NBPF26: variants seen among roughly 807,000 people sequenced by gnomAD.
NBPF26 encodes the protein NBPF family member NBPF26.
A neutral mutation model predicts 119.6 loss-of-function variants in NBPF26; 79 were observed. The ratio of observed to expected loss-of-function variants is 0.66; its 90% CI spans 0.55 to 0.80. The LOEUF (loss-of-function observed/expected upper bound fraction) is 0.80, where lower values mean the gene tolerates loss of function less well. NBPF26 is among the 30% of genes least tolerant of loss of function. NBPF26 has a pLI of 0.00. For missense variants in NBPF26, 800 were observed against 1,198.2 expected, an observed-to-expected ratio of 0.67 and a Z score of 4.91; for synonymous variants, 299 against 457.7, an observed-to-expected ratio of 0.65 and a Z score of 4.43.
At chr1:120,727,028 T>C (rs1391449374) in intron 1 of NBPF26, among the ~76,000 whole-genome samples, 4 of 111,898 alleles carry the variant, frequency 3.6e-5, no homozygotes, top group African/African-American at 5.3e-5. Flanking sequence ...CTTAAAAATA[T>C]CACACCCACA....
At chr1:120,810,278 T>C in intron 8 of NBPF26, 69 bp from the exon 9 acceptor site, 3 of 1,462,374 alleles carry the variant, frequency 2.1e-6, no homozygotes, top group Non-Finnish European at 2.8e-6. Flanking sequence ...CAAAACCAGC[T>C]AGGACTCCAT....
intron 2 of NBPF26, among the ~76,000 whole-genome samples, chr1:120,765,789 A>G (rs1651184731): frequency 7.8e-6 from 1 of 128,810 alleles, no homozygotes; most frequent in Non-Finnish European, 1.6e-5. Context: ...ACGATGGAAT[A>G]CTATGCAGCC....
chr1:120,805,910 A>G, intron 5 of NBPF26, 145 bp downstream of exon 5: 3 of 626,896 alleles, frequency 4.8e-6, no homozygotes, highest in Non-Finnish European at 7.6e-6. Context: ...ACATTTTGTT[A>G]AAGTTGGAAG....
At position 120,804,480 on chromosome 1, in the gene NBPF26, G is replaced by C. The variant is rs1651627680; in HGVS notation, c.752-1076G>C. The stretch of plus-strand genomic sequence containing the variant: ...TTCCATAAGAACTGCTCGTGGCCCT[G>C]TTCTTTTCAGTATATGGGAAAACAA... On this transcript the variant is annotated intron_variant, in intron 4 of 29. Coordinates refer to ENST00000620612, the Ensembl canonical transcript of NBPF26. 2.5e-5 allele frequency among the ~76,000 whole-genome samples: 2 copies of C among 80,716 alleles called. 1 individual carries two copies. Among genetic ancestry groups the C allele is most frequent in the Admixed American group, 2.4e-4 (2 of 8,216 alleles). The allele number at this position is 80,716 out of a possible 152,430, so 53.0% of individuals were successfully genotyped here.
chr1:120,832,643 G>A (rs1349574077), intron 22 of NBPF26, among the ~76,000 whole-genome samples: 3 of 121,316 alleles, frequency 2.5e-5, no homozygotes, highest in South Asian at 2.4e-4. Flanking sequence ...TGGGACAAAT[G>A]ATATTGGGAT....
In NBPF26 at chr1:120,752,573, TTC is replaced by T. The variant is rs1557981307; in HGVS notation, c.74-11053_74-11052del. Among the ~76,000 whole-genome samples the T allele has an allele frequency of 1.8e-3, 66 of 36,208 alleles. 1 individual carries two copies. The highest frequency in any genetic ancestry group is 3.7e-3 in the African/African-American group (14 of 3,774). 23.8% of individuals were successfully genotyped at this position (36,208 alleles called of 152,430 possible). A position where few individuals can be genotyped will look rare whatever the true frequency, so the allele number is the denominator to read the frequency against. Reference sequence around the variant, plus strand: ...ATATATATTTTTTTTTTTTTTTTTTTTCTTTTTTTTTTTTTCAGGCAGAGTCT... The same window carrying T: ...ATATATATTTTTTTTTTTTTTTTTTTTTTTTTTTTTTTTCAGGCAGAGTCT... On this transcript the variant is annotated intron_variant, in intron 1 of 29. Coordinates refer to ENST00000620612, the Ensembl canonical transcript of NBPF26.
chr1:120,807,859 C>A, intron 6 of NBPF26, 150 bp downstream of exon 6: 2 of 538,654 alleles, frequency 3.7e-6, no homozygotes, highest in Non-Finnish European at 6.4e-6. Context: ...ATTTATCAAA[C>A]AGAGAAGGAG....
At position 120,735,253 on chromosome 1, in the gene NBPF26, C is replaced by T. The variant is rs1374377061; in HGVS notation, c.73+11003C>T. Among the ~76,000 whole-genome samples, 8 of 49,086 alleles carry T rather than the reference C, an allele frequency of 1.6e-4. 2 individuals are homozygous for T. The highest frequency in any genetic ancestry group is 5.8e-4 in the Admixed American group (3 of 5,184). 32.2% of individuals were successfully genotyped at this position (49,086 alleles called of 152,430 possible). ...TAATTTTTTGTAGTTTTAGTAGAGA[C>T]GGGGTTTCTCTATGTTGGGCAGGCT... On this transcript the variant is annotated intron_variant, in intron 1 of 29. Transcript: ENST00000620612.
chr1:120,778,580 G>C (rs1456930876), intron 2 of NBPF26, among the ~76,000 whole-genome samples: 47 of 18,206 alleles, frequency 2.6e-3, no homozygotes, highest in Admixed American at 7.6e-3. Context: ...TGTTGTTGTT[G>C]TTTTTTTTTG....
At position 120,813,277 on chromosome 1, in the gene NBPF26, T is replaced by C. The variant is rs1651920210; in HGVS notation, c.1775-614T>C. On this transcript the variant is annotated intron_variant, in intron 10 of 29. Coordinates refer to ENST00000620612, the Ensembl canonical transcript of NBPF26. ...ATTTATTGGCACAGAGTAAACACTA[T>C]CTATTAGTTCTTCATTCTGCTGTTT... 2.5e-5 allele frequency among the ~76,000 whole-genome samples: 3 copies of C among 120,436 alleles called. No individual in the cohort carries two copies. In the South Asian group the frequency reaches 7.1e-4, roughly 28 times the overall value. The allele number at this position is 120,436 out of a possible 152,430, so 79.0% of individuals were successfully genotyped here. A position where few individuals can be genotyped will look rare whatever the true frequency, so the allele number is the denominator to read the frequency against.
intron 4 of NBPF26, among the ~76,000 whole-genome samples, chr1:120,802,462 G>T (rs1651593438): frequency 4.0e-5 from 5 of 126,316 alleles, no homozygotes. Flanking sequence ...TGGCTTGCTG[G>T]ACTCCATTTG....
chr1:120,805,529 T>C lies in NBPF26; in HGVS notation c.752-27T>C, dbSNP rs1651659910. On this transcript the variant is annotated intron_variant, in intron 4 of 29. Transcript: ENST00000620612. ...TTTGATTTCACCAGTTTTTAACCCATCATATGTTTGGGTTTCTTCTCCCCA... is the reference window on the plus strand; with the variant it reads ...TTTGATTTCACCAGTTTTTAACCCACCATATGTTTGGGTTTCTTCTCCCCA... 11 of 1,205,772 alleles carry C rather than the reference T, an allele frequency of 9.1e-6. 1 individual carries two copies. The highest frequency in any genetic ancestry group is 1.3e-5 in the South Asian group (1 of 79,602). The allele number at this position is 1,205,772 out of a possible 1,614,324, so 74.7% of individuals were successfully genotyped here. A position where few individuals can be genotyped will look rare whatever the true frequency, so the allele number is the denominator to read the frequency against.
chr1:120,818,562 T>C (rs1274952590), intron 15 of NBPF26, among the ~76,000 whole-genome samples: 2 of 126,684 alleles, frequency 1.6e-5, no homozygotes, highest in East Asian at 3.9e-4. Flanking sequence ...CTCGTTATTT[T>C]AATTGTGATG....
chr1:120,772,476 C>G (rs1181106310), intron 2 of NBPF26, among the ~76,000 whole-genome samples: 4 of 50,554 alleles, frequency 7.9e-5, no homozygotes, highest in African/African-American at 2.0e-4. Flanking sequence ...TTTTCTAGAT[C>G]CTATTTATTC....
chr1:120,790,352 A>G lies in NBPF26; in HGVS notation c.416-2809A>G, dbSNP rs1219806005. On this transcript the variant is annotated intron_variant, in intron 3 of 29. Coordinates refer to ENST00000620612, the Ensembl canonical transcript of NBPF26. ...TTTTATACATATGCTATTTTTGTCT[A>G]TCACTTTAGGAATCATCACAGATCA... Among the ~76,000 whole-genome samples the G allele has an allele frequency of 1.8e-5, 2 of 113,320 alleles. 1 individual carries two copies. The highest frequency in any genetic ancestry group is 1.1e-4 in the African/African-American group (2 of 18,650). The allele number at this position is 113,320 out of a possible 152,430, so 74.3% of individuals were successfully genotyped here. A position where few individuals can be genotyped will look rare whatever the true frequency, so the allele number is the denominator to read the frequency against.
chr1:120,806,371 G>T lies in NBPF26; in HGVS notation c.961+606G>T, dbSNP rs1304408881. On this transcript the variant is annotated intron_variant, in intron 5 of 29. Transcript: ENST00000620612. ...GCACTTTGGGAGGCTGAGGCGGGCA[G>T]AGCACGAGGTCAGCAGTTTGAGACT... Among the ~76,000 whole-genome samples the T allele has an allele frequency of 3.4e-3, 366 of 108,350 alleles. 89 individuals carry two copies. Among genetic ancestry groups the T allele is most frequent in the African/African-American group, 0.017 (349 of 20,814 alleles). 71.1% of individuals were successfully genotyped at this position (108,350 alleles called of 152,430 possible). A position where few individuals can be genotyped will look rare whatever the true frequency, so the allele number is the denominator to read the frequency against.
chr1:120,815,252 T>C (rs1651982558), intron 12 of NBPF26, among the ~76,000 whole-genome samples: 1 of 115,124 alleles, frequency 8.7e-6, no homozygotes. Flanking sequence ...CCTCCTTCCT[T>C]GATGGAAGGT....
At chr1:120,829,572 CCA>C (rs1163276600) in intron 18 of NBPF26, among the ~76,000 whole-genome samples, 3 of 103,488 alleles carry the variant, frequency 2.9e-5, no homozygotes. Flanking sequence ...GGAATTTTAC[CCA>C]CAGTTTCTGG....
At chr1:120,808,467 C>T in intron 6 of NBPF26, 78 bp from the exon 7 acceptor site, 1 of 1,087,724 alleles carries the variant, frequency 9.2e-7, no homozygotes, top group Non-Finnish European at 1.4e-6. Flanking sequence ...GACATTGTCT[C>T]AGAAGTCTCT....
Sources: allele counts gnomAD v4.1 joint callset (sites outside exome capture counted in the v4.1 genomes callset), GRCh38; gene constraint gnomAD v4.1.1; transcripts MANE v1.5; gene names NCBI Gene and HGNC (gene_info 2026-07-23, HGNC 2026-07-21).